ZNF335: variants seen among roughly 807,000 people sequenced by gnomAD.
The protein encoded by ZNF335 is NRC-interacting factor 1.
ZNF335 carries 84 observed loss-of-function variants against 145.6 expected under a neutral mutation model. That is an observed-to-expected ratio of 0.58 (90% CI 0.48 to 0.69). The LOEUF is 0.69. ZNF335 is among the 30% of genes least tolerant of loss of function. The pLI, the probability that ZNF335 is intolerant of heterozygous loss-of-function variation, is 0.00. For synonymous variants in ZNF335, 761 were observed against 717.0 expected, an observed-to-expected ratio of 1.06 and a Z score of -0.98; for missense variants, 1,865 against 1,809.7, an observed-to-expected ratio of 1.03 and a Z score of -0.55.
At chr20:45,961,807 T>G (rs2083847994) in intron 10 of ZNF335, 1 of 423,160 alleles carries the variant, frequency 2.4e-6, no homozygotes, top group East Asian at 3.5e-5. Flanking sequence ...CTTCAATCCC[T>G]TCAACAACTG....
At chr20:45,951,641 T>C (rs1164717251) in intron 20 of ZNF335, among the ~76,000 whole-genome samples, 1 of 152,246 alleles carries the variant, frequency 6.6e-6, no homozygotes, top group Admixed American at 6.5e-5. Flanking sequence ...CTGAGACTAA[T>C]GCAGCTGCTG....
rs546069280 is a variant in ZNF335, at chr20:45,972,006, G to A, written c.-51+116C>T. On this transcript the variant is annotated intron_variant, in intron 1 of 27. Transcript: ENST00000322927. ...GAGCGACTAAAGGGCCTGGGACCCC[G>A]GGGCCCTGTTCGGACAGCCCCGCCG... 5.2e-5 allele frequency: 63 copies of A among 1,204,216 alleles called. No individual in the cohort carries two copies. In the African/African-American group the frequency reaches 8.8e-4, roughly 17 times the overall value. The allele number at this position is 1,204,216 out of a possible 1,614,324, so 74.6% of individuals were successfully genotyped here.
intron 10 of ZNF335, chr20:45,961,739 G>C (rs937525312): frequency 8.6e-6 from 2 of 233,396 alleles, no homozygotes; most frequent in East Asian, 8.7e-5. Context: ...AGATGAGTAG[G>C]ATCTGGAGTC....
Position 45,972,203 on chromosome 20 carries a change from C to T in ZNF335, c.-132G>A, listed in dbSNP as rs1287892618. 2 of 1,288,078 alleles carry T rather than the reference C, an allele frequency of 1.6e-6. No individual in the cohort carries two copies. The highest frequency in any genetic ancestry group is 3.0e-5 in the African/African-American group (2 of 65,796). The allele number at this position is 1,288,078 out of a possible 1,614,324, so 79.8% of individuals were successfully genotyped here. On this transcript the variant is annotated 5_prime_UTR_variant, in exon 1 of 28. Coordinates refer to ENST00000322927, the MANE Select transcript of ZNF335 (RefSeq NM_022095.4). ...CTCTTTCCTCCGCTGCGGAGGAACC[C>T]ATCGGCCTATTGTAGGCCGGAACTA...
intron 14 of ZNF335, 141 bp downstream of exon 14, chr20:45,960,067 T>C (rs904998964): frequency 1.7e-5 from 17 of 1,013,618 alleles, no homozygotes; most frequent in Non-Finnish European, 2.0e-5. Flanking sequence ...CTATGGGAAA[T>C]TCTCTTTACA....
At position 45,948,957 on chromosome 20, in the gene ZNF335, TCATC is replaced by T; in HGVS notation, c.4021_4024del (p.Asp1341ThrfsTer31). 2 of 1,613,890 alleles carry T rather than the reference TCATC, an allele frequency of 1.2e-6. No homozygotes were observed. Among genetic ancestry groups the T allele is most frequent in the Non-Finnish European group, 1.7e-6 (2 of 1,180,030 alleles). The stretch of plus-strand genomic sequence containing the variant: ...TCTGTGTTGGGCCCTCGGGGCTCAG[TCATC>T]GGCCAGGGTGATGACGTCGTACTCG... On this transcript the variant is annotated frameshift_variant, in exon 28 of 28. Coordinates refer to ENST00000322927, the MANE Select transcript of ZNF335 (RefSeq NM_022095.4). LOFTEE classifies it high-confidence loss of function.
chr20:45,956,244 T>C (rs898565301), intron 17 of ZNF335, among the ~76,000 whole-genome samples: 2 of 152,026 alleles, frequency 1.3e-5, no homozygotes, highest in Non-Finnish European at 2.9e-5. Flanking sequence ...TCTTTTTTTT[T>C]TTTTAGATGG....
intron 9 of ZNF335, among the ~76,000 whole-genome samples, 154 bp downstream of exon 9, chr20:45,963,319 C>T (rs112234956): frequency 3.5e-4 from 53 of 152,248 alleles, no homozygotes; most frequent in African/African-American, 1.2e-3. Context: ...GAGCGTTCTT[C>T]GGTACGCCAG....
chr20:45,949,000 G>A lies in ZNF335; in HGVS notation c.3982C>T (p.Gln1328Ter), dbSNP rs2083575586. The A allele has an allele frequency of 2.5e-6, 4 of 1,613,974 alleles. No homozygotes were observed. The highest frequency in any genetic ancestry group is 2.2e-5 in the South Asian group (2 of 91,092). The change falls in exon 28 of 28, where the codon CAG (glutamine) becomes TAG (stop). Residue 1328 changes from glutamine (Q) to a stop codon, truncating the protein, a stop_gained. Transcript: ENST00000322927. LOFTEE classifies it high-confidence loss of function. ...ACGTCGTACTCGATGCCCTGGTGCT[G>A]CAGCTGTTGAATGTGTTCGGGCACT... ...ETVPEHIQQLQHQGIEYDVIT... is the reference protein window; with the variant it reads ...ETVPEHIQQL
rs1398662634 is a variant in ZNF335, at chr20:45,950,375, TGA to T, written c.3333-4_3333-3del. 14 of 1,602,972 alleles carry T rather than the reference TGA, an allele frequency of 8.7e-6. No homozygotes were observed. In the Admixed American group the frequency reaches 1.0e-4, roughly 12 times the overall value. Reference sequence around the variant, plus strand: ...TTGAGGTGCCCGTTACGGTTGAAACTGAGGGGGATGAAAGGTGGCTCAGGTTA... The same window carrying T: ...TTGAGGTGCCCGTTACGGTTGAAACTGGGGGATGAAAGGTGGCTCAGGTTA... On this transcript the variant is annotated splice_polypyrimidine_tract_variant and splice_region_variant and intron_variant, in intron 21 of 27. Transcript: ENST00000322927.
At chr20:45,954,070 A>G in intron 17 of ZNF335, 122 bp from the exon 18 acceptor site, 1 of 1,237,844 alleles carries the variant, frequency 8.1e-7, no homozygotes, top group South Asian at 1.5e-5. Flanking sequence ...CAGTGCTGCC[A>G]CCACTCATTT....
rs1233593035 is a variant in ZNF335, at chr20:45,949,498, C to A, written c.3740G>T (p.Gly1247Val). 3 of 1,613,638 alleles carry A rather than the reference C, an allele frequency of 1.9e-6. No homozygotes were observed. Among genetic ancestry groups the A allele is most frequent in the Non-Finnish European group, 2.5e-6 (3 of 1,179,976 alleles). The change falls in exon 25 of 28, where the codon GGC becomes GTC. Residue 1247 changes from glycine to valine, a missense_variant. Gly to Val is a moderately radical substitution (Grantham distance 109). Transcript: ENST00000322927. Reference sequence around the variant, plus strand: ...GGTCTGGCCTACCTGGATGTGATGGCCTTCAGGGACCACAACATATTCCTG... The same window carrying A: ...GGTCTGGCCTACCTGGATGTGATGGACTTCAGGGACCACAACATATTCCTG... ...LPQEYVVVPE[G>V]HHIQVQEGQI...
chr20:45,958,019 C>T (rs2083760912), intron 15 of ZNF335, 91 bp from the exon 16 acceptor site: 5 of 991,240 alleles, frequency 5.0e-6, no homozygotes, highest in African/African-American at 4.9e-5. Context: ...AGATGTTTTA[C>T]ATCTGTTGGC....
At chr20:45,952,762 T>A in intron 18 of ZNF335, 53 bp from the exon 19 acceptor site, 2 of 1,549,456 alleles carry the variant, frequency 1.3e-6, no homozygotes, top group Non-Finnish European at 1.8e-6. Flanking sequence ...AGGAGCCCCC[T>A]TCCCCAAGCA....
rs534447097 is a variant in ZNF335, at chr20:45,963,343, C to T, written c.1533+130G>A. The T allele has an allele frequency of 1.3e-4, 142 of 1,072,200 alleles. No individual in the cohort carries two copies. In the African/African-American group the frequency reaches 1.9e-3, roughly 14 times the overall value. The allele number at this position is 1,072,200 out of a possible 1,614,324, so 66.4% of individuals were successfully genotyped here. A position where few individuals can be genotyped will look rare whatever the true frequency, so the allele number is the denominator to read the frequency against. ...TCGGTACGCCAGTGAGCCAGACACGCGTTCTGAAGAGCAGCAGGAGAGCGT... is the reference window on the plus strand; with the variant it reads ...TCGGTACGCCAGTGAGCCAGACACGTGTTCTGAAGAGCAGCAGGAGAGCGT... On this transcript the variant is annotated intron_variant, in intron 9 of 27. Coordinates refer to ENST00000322927, the MANE Select transcript of ZNF335 (RefSeq NM_022095.4).
intron 3 of ZNF335, 108 bp from the exon 4 acceptor site, chr20:45,968,470 T>A (rs2145417399): frequency 9.8e-7 from 1 of 1,020,586 alleles, no homozygotes; most frequent in African/African-American, 1.6e-5. Flanking sequence ...TCCACACTCA[T>A]TCTGGCTCCC....
intron 10 of ZNF335, 122 bp from the exon 11 acceptor site, chr20:45,961,004 G>A: frequency 7.5e-7 from 1 of 1,328,780 alleles, no homozygotes; most frequent in Non-Finnish European, 1.0e-6. Flanking sequence ...CTTTCTCTTA[G>A]AATAGTGCTT....
In ZNF335 at chr20:45,953,897, C is replaced by G; in HGVS notation, c.2494G>C (p.Gly832Arg). 4.3e-6 allele frequency: 7 copies of G among 1,612,692 alleles called. No homozygotes were observed. The highest frequency in any genetic ancestry group is 5.9e-6 in the Non-Finnish European group (7 of 1,179,516). ...GTGGCACCTTCAGGGGAGGGCTGCC[C>G]ACCAGGGGATGCTAACCCTGCTTCC... ...DVEAGLASPG[G>R]QPSPEGATPQ... is the part of the protein sequence containing the mutation. Residue 832 changes from glycine to arginine, a missense_variant, in exon 18 of 28, where the codon GGG (glycine) becomes CGG (arginine). Physicochemically the swap from Gly to Arg is moderately radical, Grantham distance 125. Transcript: ENST00000322927.
intron 24 of ZNF335, 63 bp downstream of exon 24, chr20:45,949,737 A>G (rs559469292): frequency 2.9e-5 from 46 of 1,585,308 alleles, no homozygotes; most frequent in East Asian, 4.5e-5. Flanking sequence ...TTCCTCCCCA[A>G]GGTAGGTCTT....
Sources: gnomAD v4.1 joint callset for allele counts (sites outside exome capture counted in the v4.1 genomes callset) on GRCh38, gnomAD v4.1.1 for gene constraint, MANE v1.5 for transcripts, NCBI Gene and HGNC (gene_info 2026-07-23, HGNC 2026-07-21) for gene names.